The following ABHD6 variants were observed in gnomAD, a reference collection of about 807,000 sequenced individuals.
The protein encoded by ABHD6 is monoacylglycerol lipase ABHD6.
A neutral mutation model predicts 38.8 loss-of-function variants in ABHD6; 33 were observed. The ratio of observed to expected loss-of-function variants is 0.85; its 90% confidence interval spans 0.64 to 1.14. The LOEUF is 1.14. Among genes scored for constraint, ABHD6 ranks in the 50% most tolerant of loss-of-function variants. The pLI is 0.00. For synonymous variants in ABHD6, 147 were observed against 161.6 expected, an observed-to-expected ratio of 0.91 and a Z score of 0.69; for missense variants, 380 against 422.6, an observed-to-expected ratio of 0.90 and a Z score of 0.88.
Position 58,267,093 on chromosome 3 carries a change from C to G in ABHD6, c.120-96C>G, listed in dbSNP as rs1031839438. On this transcript the variant is annotated intron_variant, in intron 3 of 9. Coordinates refer to ENST00000478253, the MANE Select transcript of ABHD6 (RefSeq NM_001320126.2). This position sits in a 1 kb window ranked among gnomAD's most constrained non-coding sequence, Gnocchi z 4.3. Reference sequence around the variant, plus strand: ...GGCTGGAGAAGTGTTTGTGTTATCACTAAGGAAGACTTATAGAGAGGACCT... The same window carrying G: ...GGCTGGAGAAGTGTTTGTGTTATCAGTAAGGAAGACTTATAGAGAGGACCT... 2.3e-6 allele frequency: 3 copies of G among 1,327,110 alleles called. No homozygotes were observed. In the African/African-American group the frequency reaches 4.4e-5, roughly 20 times the overall value. The allele number at this position is 1,327,110 out of a possible 1,614,324, so 82.2% of individuals were successfully genotyped here. A position where few individuals can be genotyped will look rare whatever the true frequency, so the allele number is the denominator to read the frequency against.
At chr3:58,286,852 G>GTATATGTATATATATATATATATA (rs2097457584) in intron 9 of ABHD6, among the ~76,000 whole-genome samples, 2 of 70,642 alleles carry the variant, frequency 2.8e-5, no homozygotes, top group Admixed American at 3.5e-4. Context: ...GTGTGTGTGT[G>GTATATGTATATATATATATATATA]TATATATATA....
rs2097465451 is a variant in ABHD6, at chr3:58,293,989, A to C, written c.*224A>C. ...AAAATAGAAACTCATATGGAACAAA[A>C]TAAGAAACCCCAGCCATGAAATCTA... On this transcript the variant is annotated 3_prime_UTR_variant, in exon 10 of 10. Transcript: ENST00000478253. This position sits in a 1 kb window ranked among gnomAD's most constrained non-coding sequence, Gnocchi z 4.4. 5 of 429,176 alleles carry C rather than the reference A, an allele frequency of 1.2e-5. No homozygotes were observed. The highest frequency in any genetic ancestry group is 2.0e-5 in the Non-Finnish European group (5 of 245,422). The allele number at this position is 429,176 out of a possible 1,614,324, so 26.6% of individuals were successfully genotyped here. A position where few individuals can be genotyped will look rare whatever the true frequency, so the allele number is the denominator to read the frequency against.
intron 1 of ABHD6, among the ~76,000 whole-genome samples, chr3:58,246,135 C>T (rs1442153294): frequency 6.6e-6 from 1 of 152,238 alleles, no homozygotes; most frequent in East Asian, 1.9e-4. Context: ...GTGGGCTCCA[C>T]TAGAGCCTGA....
rs3038091 is a variant in ABHD6 at position 58,271,766 on chromosome 3, G to GTTTTTTTTTTT, written c.523+716_523+726dup. ...CTCTCCTCTATCTCCCCCTCTCTCT[G>GTTTTTTTTTTT]TTTTTTTTTTTTTTTTTTTTTTTTG... On this transcript the variant is annotated intron_variant, in intron 6 of 9. Transcript: ENST00000478253. 9.7e-4 allele frequency among the ~76,000 whole-genome samples: 62 copies of GTTTTTTTTTTT among 63,630 alleles called. 5 individuals carry two copies. The highest frequency in any genetic ancestry group is 1.4e-3 in the African/African-American group (20 of 14,014). 41.7% of individuals were successfully genotyped at this position (63,630 alleles called of 152,430 possible). A position where few individuals can be genotyped will look rare whatever the true frequency, so the allele number is the denominator to read the frequency against.
At chr3:58,247,026 G>A (rs1201019408) in intron 1 of ABHD6, among the ~76,000 whole-genome samples, 9 of 144,810 alleles carry the variant, frequency 6.2e-5, no homozygotes, top group East Asian at 2.3e-4. Flanking sequence ...TTTGGTTGCC[G>A]TCTCTAATGG....
Position 58,266,170 on chromosome 3 carries a change from G to A in ABHD6, c.120-1019G>A, listed in dbSNP as rs1559776758. ...GTTTCAAAAGAAACCAACCAGGTGC[G>A]GTTTAACCAGCTGGACGTCTGTAAC... On this transcript the variant is annotated intron_variant, in intron 3 of 9. Coordinates refer to ENST00000478253, the MANE Select transcript of ABHD6 (RefSeq NM_001320126.2). The surrounding 1 kb of genome is among the most constrained non-coding windows in gnomAD (Gnocchi z 4.0). 6.6e-6 allele frequency among the ~76,000 whole-genome samples: 1 copy of A among 152,152 alleles called. No individual in the cohort carries two copies. The highest frequency in any genetic ancestry group is 1.5e-5 in the Non-Finnish European group (1 of 68,040).
intron 7 of ABHD6, among the ~76,000 whole-genome samples, chr3:58,284,470 T>G (rs1185423321): frequency 2.6e-5 from 4 of 151,874 alleles, no homozygotes; most frequent in Non-Finnish European, 5.9e-5. Flanking sequence ...TTTTTTTTTT[T>G]GAGATAGAGT....
chr3:58,259,856 C>T lies in ABHD6; in HGVS notation c.119+3151C>T, dbSNP rs2097435808. ...GCCATCAATCCCAGTTTCTCCCTCACTTCATCTTCTGGCAACCACTCATCT... is the reference window on the plus strand; with the variant it reads ...GCCATCAATCCCAGTTTCTCCCTCATTTCATCTTCTGGCAACCACTCATCT... On this transcript the variant is annotated intron_variant, in intron 3 of 9. Transcript: ENST00000478253. The surrounding 1 kb of genome is among the most constrained non-coding windows in gnomAD (Gnocchi z 4.7). Among the ~76,000 whole-genome samples, 1 of 152,192 alleles carries T rather than the reference C, an allele frequency of 6.6e-6. No individual in the cohort carries two copies. Among genetic ancestry groups the T allele is most frequent in the African/African-American group, 2.4e-5 (1 of 41,446 alleles).
rs2097429559 is a variant in ABHD6, at chr3:58,251,023, A to G, written c.-26+1081A>G. Among the ~76,000 whole-genome samples, 1 of 152,196 alleles carries G rather than the reference A, an allele frequency of 6.6e-6. No homozygotes were observed. The highest frequency in any genetic ancestry group is 2.1e-4 in the South Asian group (1 of 4,838). On this transcript the variant is annotated intron_variant, in intron 2 of 9. Coordinates refer to ENST00000478253, the MANE Select transcript of ABHD6 (RefSeq NM_001320126.2). This position sits in a 1 kb window ranked among gnomAD's most constrained non-coding sequence, Gnocchi z 5.4. ...TTAGACTGATGCAATTACTGTCAGC[A>G]GAAATCAGTAAGTCGGCTAGGTGCA... is the stretch of plus-strand genomic sequence containing the variant.
intron 7 of ABHD6, among the ~76,000 whole-genome samples, chr3:58,278,010 T>C (rs1332472242): frequency 2.0e-5 from 3 of 152,378 alleles, no homozygotes; most frequent in Middle Eastern, 6.8e-3. Flanking sequence ...GGTTTGCCAG[T>C]ATTTTATTGA....
intron 1 of ABHD6, among the ~76,000 whole-genome samples, chr3:58,247,491 A>G (rs1575513278): frequency 6.6e-6 from 1 of 152,256 alleles, no homozygotes; most frequent in South Asian, 2.1e-4. Flanking sequence ...AAGCAGCCAC[A>G]TGTGACTAGT....
intron 1 of ABHD6, among the ~76,000 whole-genome samples, chr3:58,244,438 G>T (rs1433992458): frequency 6.6e-6 from 1 of 152,098 alleles, no homozygotes; most frequent in South Asian, 2.1e-4. Flanking sequence ...TTATCATACC[G>T]TAAAAGAGTC....
intron 1 of ABHD6, among the ~76,000 whole-genome samples, chr3:58,243,587 C>T (rs981116430): frequency 4.6e-5 from 7 of 151,422 alleles, no homozygotes; most frequent in African/African-American, 1.7e-4. Context: ...CAGGTATAGT[C>T]ATGAGAAAGT....
chr3:58,239,983 C>T (rs1292761586), intron 1 of ABHD6, among the ~76,000 whole-genome samples: 1 of 142,742 alleles, frequency 7.0e-6, no homozygotes, highest in Non-Finnish European at 1.5e-5. Flanking sequence ...AACCCCATCT[C>T]TACCAAAAAA....
chr3:58,288,740 A>G (rs1029010915), intron 9 of ABHD6, among the ~76,000 whole-genome samples: 2 of 152,190 alleles, frequency 1.3e-5, no homozygotes, highest in South Asian at 2.1e-4. Context: ...CCCTCCAGCA[A>G]TTTATCGTCT....
intron 9 of ABHD6, among the ~76,000 whole-genome samples, chr3:58,290,840 T>A (rs1019309263): frequency 7.1e-6 from 1 of 140,436 alleles, no homozygotes; most frequent in African/African-American, 2.7e-5. Context: ...GAAGAGGCGC[T>A]CCTCACTTCC....
intron 9 of ABHD6, among the ~76,000 whole-genome samples, chr3:58,286,282 G>A (rs1382223538): frequency 6.6e-6 from 1 of 151,942 alleles, no homozygotes; most frequent in African/African-American, 2.4e-5. Context: ...GCCTCCCAAA[G>A]TGTTGGGATT....
chr3:58,293,743 A>T lies in ABHD6; in HGVS notation c.992A>T (p.Asp331Val). Residue 331 changes from aspartate to valine, a missense_variant, in exon 10 of 10, where the codon GAC becomes GTC. Physicochemically the swap from Asp to Val is radical, Grantham distance 152. Coordinates refer to ENST00000478253, the MANE Select transcript of ABHD6 (RefSeq NM_001320126.2). The surrounding 1 kb of genome is among the most constrained non-coding windows in gnomAD (Gnocchi z 4.4). ...TTTTTAGCTTCTGTGCACAACACAG[A>T]CAACAACAAGAAGCTGGACTGAGGC... Reference protein sequence around the residue: ...IDFLASVHNTDNNKKLD With the variant: ...IDFLASVHNTVNNKKLD The T allele has an allele frequency of 1.9e-6, 3 of 1,614,170 alleles. No individual in the cohort carries two copies. In the South Asian group the frequency reaches 3.3e-5, roughly 18 times the overall value.
Position 58,257,884 on chromosome 3 carries a change from C to T in ABHD6, c.119+1179C>T, listed in dbSNP as rs2097434436. Among the ~76,000 whole-genome samples the T allele has an allele frequency of 6.6e-6, 1 of 152,122 alleles. No homozygotes were observed. The highest frequency in any genetic ancestry group is 1.5e-5 in the Non-Finnish European group (1 of 68,024). Reference sequence around the variant, plus strand: ...TTATTATTCTTGTCCTATCTGGATACCACCTGTCCTTTTATTTTGTATTTC... The same window carrying T: ...TTATTATTCTTGTCCTATCTGGATATCACCTGTCCTTTTATTTTGTATTTC... On this transcript the variant is annotated intron_variant, in intron 3 of 9. Transcript: ENST00000478253. The surrounding 1 kb of genome is among the most constrained non-coding windows in gnomAD (Gnocchi z 4.8).
Sources: gnomAD v4.1 joint callset for allele counts (sites outside exome capture counted in the v4.1 genomes callset) on GRCh38, gnomAD v4.1.1 for gene constraint, Gnocchi (gnomAD v3.1) non-coding constraint, MANE v1.5 for transcripts, NCBI Gene and HGNC (gene_info 2026-07-23, HGNC 2026-07-21) for gene names.